The following MACROD2 variants were observed in gnomAD, a reference collection of about 807,000 sequenced individuals.
MACROD2 encodes mono-ADP ribosylhydrolase 2.
Under a neutral mutation model 70.4 loss-of-function variants are expected in MACROD2, and 36 were observed. The ratio of observed to expected loss-of-function variants is 0.51; its 90% CI spans 0.39 to 0.68. MACROD2 has a LOEUF of 0.68. MACROD2 is among the 30% of genes least tolerant of loss of function. The probability of loss-of-function intolerance (pLI) is 0.00; values close to 1 mark genes in which losing one functional copy is unlikely to be tolerated. For synonymous variants in MACROD2, 172 were observed against 178.8 expected (o/e 0.96, Z 0.30); for missense variants, 496 against 538.4 (o/e 0.92, Z 0.78).
At chr20:14,487,980 GATA>G (rs2084754779) in intron 3 of MACROD2, among the ~76,000 whole-genome samples, 1 of 152,168 alleles carries the variant, frequency 6.6e-6, no homozygotes, top group Non-Finnish European at 1.5e-5. Context: ...AACTAGGTAA[GATA>G]ATATTTTTAA....
intron 3 of MACROD2, among the ~76,000 whole-genome samples, chr20:14,117,794 C>T (rs1382977579): frequency 6.6e-6 from 1 of 152,110 alleles, no homozygotes; most frequent in African/African-American, 2.4e-5. Context: ...TAGTTTTTCA[C>T]CACATTATAT....
intron 3 of MACROD2, among the ~76,000 whole-genome samples, chr20:14,241,314 A>T (rs115640713): frequency 6.9e-4 from 105 of 152,334 alleles, no homozygotes; most frequent in African/African-American, 2.4e-3. Context: ...ATTTGTTATA[A>T]AAACTGAAAA....
intron 5 of MACROD2, among the ~76,000 whole-genome samples, chr20:15,097,845 A>G (rs961672788): frequency 2.6e-5 from 4 of 152,198 alleles, no homozygotes; most frequent in African/African-American, 9.6e-5. Flanking sequence ...ATAAAAGGTA[A>G]TCTTGGGAAT....
At chr20:15,113,763 A>AGTGCGTGTGT (rs1555783991) in intron 5 of MACROD2, among the ~76,000 whole-genome samples, 7 of 144,160 alleles carry the variant, frequency 4.9e-5, no homozygotes, top group Non-Finnish European at 9.1e-5. Context: ...GTAGTCTTGA[A>AGTGCGTGTGT]GTGTGTGTGT....
chr20:15,878,113 C>T (rs1430474541), intron 9 of MACROD2, among the ~76,000 whole-genome samples: 1 of 151,954 alleles, frequency 6.6e-6, no homozygotes, highest in African/African-American at 2.4e-5. Context: ...GAATCCTGGC[C>T]ATGGACCATG....
At chr20:15,764,476 C>A (rs1255508622) in intron 8 of MACROD2, among the ~76,000 whole-genome samples, 4 of 152,166 alleles carry the variant, frequency 2.6e-5, no homozygotes, top group Non-Finnish European at 4.4e-5. Flanking sequence ...TTTTGCCCAG[C>A]CTTTCCCGCC....
At chr20:14,078,973 ATATACTGTTATCAT>A (rs2053953323) in intron 2 of MACROD2, among the ~76,000 whole-genome samples, 1 of 152,234 alleles carries the variant, frequency 6.6e-6, no homozygotes, top group African/African-American at 2.4e-5. Context: ...ATGTTCTGGT[ATATACTGTTATCAT>A]CATAATGCCA....
intron 5 of MACROD2, among the ~76,000 whole-genome samples, chr20:14,993,842 A>G (rs2074926816): frequency 6.6e-6 from 1 of 151,966 alleles, no homozygotes; most frequent in Non-Finnish European, 1.5e-5. Flanking sequence ...ACAGATAGAT[A>G]TAATCAATCT....
At chr20:15,867,960 G>C (rs1377898713) in intron 9 of MACROD2, among the ~76,000 whole-genome samples, 1 of 152,138 alleles carries the variant, frequency 6.6e-6, no homozygotes, top group Non-Finnish European at 1.5e-5. Context: ...GCTGAGGGAT[G>C]GGAGAGGTTA....
intron 5 of MACROD2, among the ~76,000 whole-genome samples, chr20:15,002,027 G>A (rs1000166977): frequency 1.3e-5 from 2 of 151,906 alleles, no homozygotes; most frequent in African/African-American, 2.4e-5. Flanking sequence ...ATTGGCATTC[G>A]GGCTGGTTTC....
At chr20:14,021,893 A>G (rs1005396090) in intron 2 of MACROD2, among the ~76,000 whole-genome samples, 16 of 152,100 alleles carry the variant, frequency 1.1e-4, no homozygotes, top group African/African-American at 3.9e-4. Flanking sequence ...TGTCTTTAAC[A>G]TGTTGCCCTG....
intron 5 of MACROD2, among the ~76,000 whole-genome samples, chr20:14,816,601 G>A (rs1332104184): frequency 6.6e-6 from 1 of 151,870 alleles, no homozygotes; most frequent in Non-Finnish European, 1.5e-5. Context: ...ATTTATATGT[G>A]TGTGTTATAC....
chr20:14,404,506 G>T (rs1191730721), intron 3 of MACROD2, among the ~76,000 whole-genome samples: 1 of 151,914 alleles, frequency 6.6e-6, no homozygotes, highest in Non-Finnish European at 1.5e-5. Flanking sequence ...ACGGGTGCCT[G>T]TAGTCCCAGC....
intron 5 of MACROD2, among the ~76,000 whole-genome samples, chr20:15,050,627 C>T (rs1296235648): frequency 1.2e-4 from 18 of 144,408 alleles, no homozygotes; most frequent in South Asian, 1.1e-3. Flanking sequence ...CTGCAAGCTC[C>T]GCCTCCTGGG....
chr20:14,972,115 G>A (rs1307754121), intron 5 of MACROD2, among the ~76,000 whole-genome samples: 1 of 152,228 alleles, frequency 6.6e-6, no homozygotes, highest in Non-Finnish European at 1.5e-5. Context: ...CACTGGTTTT[G>A]CCTGCTGTAA....
chr20:14,471,176 G>C (rs1480904868), intron 3 of MACROD2, among the ~76,000 whole-genome samples: 2 of 152,112 alleles, frequency 1.3e-5, no homozygotes, highest in African/African-American at 4.8e-5. Context: ...GCTAGGGGAG[G>C]GAGTTCCCCA....
intron 8 of MACROD2, among the ~76,000 whole-genome samples, chr20:15,558,054 C>T (rs1483037322): frequency 1.3e-5 from 2 of 152,170 alleles, no homozygotes; most frequent in Non-Finnish European, 2.9e-5. Context: ...ATGTGGTAAG[C>T]ATAACTAAGA....
intron 4 of MACROD2, among the ~76,000 whole-genome samples, chr20:14,583,705 A>G (rs2038042294): frequency 6.6e-6 from 1 of 152,246 alleles, no homozygotes; most frequent in Admixed American, 6.5e-5. Flanking sequence ...AGGATTAGAT[A>G]TAATTTATAT....
At chr20:14,521,477 C>T (rs1220990699) in intron 4 of MACROD2, among the ~76,000 whole-genome samples, 1 of 152,184 alleles carries the variant, frequency 6.6e-6, no homozygotes, top group African/African-American at 2.4e-5. Context: ...TATCCCTCTA[C>T]CTGCAGGTTT....
Sources: gnomAD v4.1 joint callset for allele counts (sites outside exome capture counted in the v4.1 genomes callset) on GRCh38, gnomAD v4.1.1 for gene constraint, MANE v1.5 for transcripts, NCBI Gene and HGNC (gene_info 2026-07-23, HGNC 2026-07-21) for gene names.